RAD51B: variants seen among roughly 807,000 people sequenced by gnomAD.
RAD51B encodes the protein RAD51 paralog B.
A neutral mutation model predicts 42.2 loss-of-function variants in RAD51B; 38 were observed. The ratio of observed to expected loss-of-function variants is 0.90; its 90% CI spans 0.70 to 1.18. The LOEUF (loss-of-function observed/expected upper bound fraction) is 1.18, where lower values mean the gene tolerates loss of function less well. Ranked by LOEUF, RAD51B falls within the 50% of genes most tolerant of loss-of-function variation. The pLI is 0.00. For synonymous variants in RAD51B, 154 were observed against 145.2 expected (o/e 1.06, Z -0.43); for missense variants, 373 against 400.7 (o/e 0.93, Z 0.59).
intron 7 of RAD51B, among the ~76,000 whole-genome samples, chr14:68,120,656 C>G (rs959498322): frequency 6.6e-6 from 1 of 152,026 alleles, no homozygotes; most frequent in South Asian, 2.1e-4. Context: ...CTTAGTTTGC[C>G]AACTGAGGGT....
At chr14:68,679,540 G>C (rs774414662) in intron 11 of RAD51B, among the ~76,000 whole-genome samples, 1 of 152,188 alleles carries the variant, frequency 6.6e-6, no homozygotes, top group Admixed American at 6.5e-5. Flanking sequence ...TTCTGTTCTG[G>C]TGATCACATG....
At chr14:68,200,084 G>A (rs941699537) in intron 7 of RAD51B, among the ~76,000 whole-genome samples, 3 of 152,146 alleles carry the variant, frequency 2.0e-5, no homozygotes, top group South Asian at 2.1e-4. Flanking sequence ...AGAATTAACC[G>A]CATGACAGCA....
chr14:68,023,753 G>A (rs963212466), intron 7 of RAD51B, among the ~76,000 whole-genome samples: 1 of 152,084 alleles, frequency 6.6e-6, no homozygotes, highest in Admixed American at 6.6e-5. Context: ...GACCTCTGCT[G>A]GATGCAGAGT....
intron 7 of RAD51B, among the ~76,000 whole-genome samples, chr14:68,286,897 G>C (rs1157431545): frequency 1.3e-5 from 2 of 152,210 alleles, no homozygotes; most frequent in Non-Finnish European, 1.5e-5. Flanking sequence ...CTAATGACCA[G>C]TTAATTCTGC....
intron 10 of RAD51B, among the ~76,000 whole-genome samples, chr14:68,574,891 T>G (rs914997563): frequency 6.6e-6 from 1 of 151,836 alleles, no homozygotes; most frequent in Non-Finnish European, 1.5e-5. Context: ...CTATGAAGTG[T>G]GGGGGGGATT....
chr14:68,029,893 G>C (rs1466164400), intron 7 of RAD51B, among the ~76,000 whole-genome samples: 1 of 152,212 alleles, frequency 6.6e-6, no homozygotes, highest in Non-Finnish European at 1.5e-5. Context: ...TACAGAATGG[G>C]TCTTGTGTTA....
chr14:67,820,199 C>G (rs1032288070), intron 1 of RAD51B, among the ~76,000 whole-genome samples: 1 of 152,146 alleles, frequency 6.6e-6, no homozygotes, highest in East Asian at 1.9e-4. Flanking sequence ...AGGGACTCTC[C>G]CACTTCAGGT....
chr14:68,430,939 T>C (rs554682094), intron 9 of RAD51B, among the ~76,000 whole-genome samples: 1 of 152,286 alleles, frequency 6.6e-6, no homozygotes, highest in East Asian at 1.9e-4. Flanking sequence ...ATACCTAATT[T>C]ATTGAGAGTT....
In RAD51B at chr14:68,611,277, G is replaced by T. The variant is rs541692181; in HGVS notation, c.*30G>T. On this transcript the variant is annotated 3_prime_UTR_variant, in exon 11 of 11. Transcript: ENST00000487861. ...GCCTAGTTTTTCACCACGACTTCCA[G>T]ATCTACATTTAACATCCGACAGCAA... The T allele has an allele frequency of 2.6e-5, 18 of 701,980 alleles. No homozygotes were observed. The East Asian group carries it at 4.3e-4, about 17-fold the overall frequency. 43.5% of individuals were successfully genotyped at this position (701,980 alleles called of 1,614,324 possible).
chr14:68,378,783 C>T (rs2083422452), intron 8 of RAD51B, among the ~76,000 whole-genome samples: 1 of 151,534 alleles, frequency 6.6e-6, no homozygotes, highest in African/African-American at 2.4e-5. Flanking sequence ...TATCTGTGAT[C>T]TCAAGATTGA....
chr14:68,457,756 G>A (rs1004680622), intron 9 of RAD51B, among the ~76,000 whole-genome samples: 97 of 149,222 alleles, frequency 6.5e-4, no homozygotes, highest in African/African-American at 2.3e-3. Flanking sequence ...GTGCCACCAC[G>A]CCCAGCTAAT....
Position 68,149,429 on chromosome 14 carries a change from C to G in RAD51B, c.757-142455C>G, listed in dbSNP as rs543669441. Among the ~76,000 whole-genome samples the G allele has an allele frequency of 2.6e-5, 4 of 152,286 alleles. 1 individual carries two copies. Among genetic ancestry groups the G allele is most frequent in the African/African-American group, 9.6e-5 (4 of 41,554 alleles). On this transcript the variant is annotated intron_variant, in intron 7 of 10. Transcript: ENST00000471583. ...TGTGAATGACTATTTGGTCCAGCAT[C>G]GTTTGTTGAAAAGACTATCCTTCTG...
intron 7 of RAD51B, among the ~76,000 whole-genome samples, chr14:67,936,699 G>T (rs2044967174): frequency 6.6e-6 from 1 of 152,138 alleles, no homozygotes; most frequent in Non-Finnish European, 1.5e-5. Context: ...CCTACCAGCA[G>T]CGAGCTAGGG....
At chr14:68,124,396 A>G (rs1018281854) in intron 7 of RAD51B, among the ~76,000 whole-genome samples, 4 of 152,144 alleles carry the variant, frequency 2.6e-5, no homozygotes, top group Non-Finnish European at 5.9e-5. Context: ...GTGATTTCTA[A>G]CTTCTAGCAG....
chr14:68,374,422 T>A (rs2083323870), intron 8 of RAD51B, among the ~76,000 whole-genome samples: 1 of 152,208 alleles, frequency 6.6e-6, no homozygotes, highest in Non-Finnish European at 1.5e-5. Flanking sequence ...TGTTCCTGAC[T>A]GTGAAACTTT....
chr14:68,110,354 A>G (rs758852436), intron 7 of RAD51B, among the ~76,000 whole-genome samples: 1 of 151,944 alleles, frequency 6.6e-6, no homozygotes, highest in Non-Finnish European at 1.5e-5. Context: ...CTGTTCCACA[A>G]TCCCCTCTTC....
chr14:68,244,222 G>A (rs866583670), intron 7 of RAD51B, among the ~76,000 whole-genome samples: 16 of 152,178 alleles, frequency 1.1e-4, no homozygotes, highest in African/African-American at 1.4e-4. Flanking sequence ...AAATCTTAAC[G>A]GGAATCCTCA....
intron 10 of RAD51B, among the ~76,000 whole-genome samples, chr14:68,531,084 T>C (rs1887273776): frequency 6.7e-6 from 1 of 149,250 alleles, no homozygotes; most frequent in South Asian, 2.1e-4. Flanking sequence ...AGAACATCAA[T>C]CTATAGGTTC....
chr14:68,311,271 A>G (rs946337853), intron 8 of RAD51B, among the ~76,000 whole-genome samples: 24 of 152,162 alleles, frequency 1.6e-4, no homozygotes, highest in African/African-American at 4.8e-4. Flanking sequence ...ATCTCTTGCA[A>G]ATAAATAATG....
Sources: allele counts gnomAD v4.1 joint callset (sites outside exome capture counted in the v4.1 genomes callset), GRCh38; gene constraint gnomAD v4.1.1; transcripts MANE v1.5; gene names NCBI Gene and HGNC (gene_info 2026-07-23, HGNC 2026-07-21).